ASH1L: variants seen among roughly 807,000 people sequenced by gnomAD.
ASH1L encodes the protein histone-lysine N-methyltransferase ASH1L.
ASH1L carries 23 observed loss-of-function variants against 269.0 expected under a neutral mutation model. That is an observed-to-expected ratio of 0.09 (90% CI 0.06 to 0.12). The LOEUF (loss-of-function observed/expected upper bound fraction) is 0.12. ASH1L is among the 10% of genes least tolerant of loss of function. ASH1L has a pLI of 1.00. For synonymous variants in ASH1L, 1,187 were observed against 1,253.5 expected, an observed-to-expected ratio of 0.95 and a Z score of 1.12; for missense variants, 2,912 against 3,567.8, an observed-to-expected ratio of 0.82 and a Z score of 4.68.
chr1:155,436,491 CTTTTTTTTTTT>C (rs60270333), intron 5 of ASH1L, among the ~76,000 whole-genome samples: 4 of 80,552 alleles, frequency 5.0e-5, no homozygotes, highest in Admixed American at 3.2e-4. Context: ...CATGCGTGGA[CTTTTTTTTTTT>C]TTTTTTTTTT....
intron 5 of ASH1L, among the ~76,000 whole-genome samples, chr1:155,424,216 C>T (rs748057275): frequency 6.6e-6 from 1 of 152,046 alleles, no homozygotes; most frequent in Admixed American, 6.6e-5. Context: ...GTAGTAAAAA[C>T]GATGAGAAAT....
In ASH1L at chr1:155,481,383, T is replaced by C. The variant is rs760750750; in HGVS notation, c.1487A>G (p.Asn496Ser). ...EIINLEKEMFNEGTCIQQDSF... is the reference protein window; with the variant it reads ...EIINLEKEMFSEGTCIQQDSF... ...GTCTTGCTGAATGCATGTTCCTTCA[T>C]TAAACATTTCTTTCTCCAAATTAAT... Residue 496 changes from asparagine to serine, a missense_variant, in exon 3 of 28, where the codon AAT (asparagine) becomes AGT (serine). By Grantham distance (46) the Asn-to-Ser change is conservative. Around this residue, in one of 13 missense-constraint regions of ASH1L, gnomAD observed 715 missense variants for 721.0 expected, o/e 0.99. Transcript: ENST00000392403. 6.2e-7 allele frequency: 1 copy of C among 1,614,152 alleles called. No individual in the cohort carries two copies. Among genetic ancestry groups the C allele is most frequent in the Non-Finnish European group, 8.5e-7 (1 of 1,180,000 alleles).
chr1:155,536,835 G>T (rs752274919), intron 1 of ASH1L, among the ~76,000 whole-genome samples: 1 of 152,102 alleles, frequency 6.6e-6, no homozygotes, highest in Non-Finnish European at 1.5e-5. Flanking sequence ...AAGGTCAGGA[G>T]ATCGAGACCA....
Position 155,335,500 on chromosome 1 carries a change from G to A in ASH1L, c.*2160C>T, listed in dbSNP as rs1652234234. ...GACTAACTCTGTATCTATTTGCAGT[G>A]ATGTAGTGCTTTGCCCCGCATTTCA... is the stretch of plus-strand genomic sequence containing the variant. On this transcript the variant is annotated 3_prime_UTR_variant, in exon 28 of 28. Coordinates refer to ENST00000392403, the MANE Select transcript of ASH1L (RefSeq NM_018489.3). 1 of 152,682 alleles carries A rather than the reference G, an allele frequency of 6.5e-6. No individual in the cohort carries two copies. The highest frequency in any genetic ancestry group is 2.1e-4 in the South Asian group (1 of 4,828). The allele number at this position is 152,682 out of a possible 1,614,324, so 9.5% of individuals were successfully genotyped here.
chr1:155,492,033 C>CT (rs747132753), intron 2 of ASH1L, among the ~76,000 whole-genome samples: 27,153 of 111,858 alleles, frequency 0.24, 3,946 homozygotes, highest in East Asian at 0.68. Flanking sequence ...GTTTTGTTTA[C>CT]TTTTTTTTTT....
At chr1:155,428,774 T>C (rs542484979) in intron 5 of ASH1L, among the ~76,000 whole-genome samples, 18 of 152,346 alleles carry the variant, frequency 1.2e-4, no homozygotes, top group Non-Finnish European at 2.4e-4. Context: ...GAGATACTTT[T>C]AGTTAATCCC....
chr1:155,389,988 G>GACTC (rs1308119543), intron 7 of ASH1L, among the ~76,000 whole-genome samples: 1 of 145,684 alleles, frequency 6.9e-6, no homozygotes, highest in African/African-American at 2.5e-5. Flanking sequence ...TCATTATGAT[G>GACTC]ACTCTTACTC....
intron 1 of ASH1L, among the ~76,000 whole-genome samples, chr1:155,550,583 T>G (rs919090155): frequency 1.3e-5 from 2 of 152,188 alleles, no homozygotes; most frequent in African/African-American, 4.8e-5. Context: ...ATGCCCCAGA[T>G]AGTTGCACTG....
chr1:155,537,230 T>C (rs1351175197), intron 1 of ASH1L, among the ~76,000 whole-genome samples: 1 of 152,164 alleles, frequency 6.6e-6, no homozygotes, highest in African/African-American at 2.4e-5. Context: ...AATATTACAA[T>C]GATTATATCT....
intron 6 of ASH1L, chr1:155,395,911 G>A (rs1658303941): frequency 6.0e-6 from 1 of 167,726 alleles, no homozygotes; most frequent in African/African-American, 2.4e-5. Flanking sequence ...ACAAATTTTA[G>A]ATCGGATTAT....
At position 155,478,931 on chromosome 1, in the gene ASH1L, T is replaced by G. The variant is rs138817613; in HGVS notation, c.3939A>C (p.Arg1313=). The change falls in exon 3 of 28, where the codon CGA becomes CGC. Residue 1313 remains arginine, a synonymous_variant. Coordinates refer to ENST00000392403, the MANE Select transcript of ASH1L (RefSeq NM_018489.3). The surrounding 1 kb of genome is among the most constrained non-coding windows in gnomAD (Gnocchi z 4.6). ...ITHRSHHFIP[R]DLLPTIFRIN... The stretch of plus-strand genomic sequence containing the variant: ...TTCGAAAGATAGTTGGCAGAAGATC[T>G]CGGGGGATAAAATGATGACTTCGAT... 7.2e-5 allele frequency: 117 copies of G among 1,614,018 alleles called. No individual in the cohort carries two copies. The African/African-American group carries it at 1.5e-3, about 21-fold the overall frequency.
At chr1:155,337,879 T>C (rs1652440867) in intron 27 of ASH1L, 128 bp from the exon 28 acceptor site, 2 of 1,064,110 alleles carry the variant, frequency 1.9e-6, no homozygotes, top group East Asian at 2.4e-5. Flanking sequence ...TAGCCCATCC[T>C]CCAACCCTAC....
At chr1:155,550,449 C>T (rs753446009) in intron 1 of ASH1L, among the ~76,000 whole-genome samples, 7 of 152,170 alleles carry the variant, frequency 4.6e-5, no homozygotes, top group Non-Finnish European at 1.0e-4. Context: ...GTCTTTAAGT[C>T]CCTATGTTAT....
At chr1:155,525,848 TCAAGTCA>T (rs1201724940) in intron 1 of ASH1L, among the ~76,000 whole-genome samples, 4 of 151,964 alleles carry the variant, frequency 2.6e-5, no homozygotes, top group Non-Finnish European at 5.9e-5. Context: ...CTGACGATGC[TCAAGTCA>T]CTTATATAAA....
In ASH1L at chr1:155,462,364, GTCATCT is replaced by G. The variant is rs1416941202; in HGVS notation, c.4985-2472_4985-2467del. 2.6e-5 allele frequency among the ~76,000 whole-genome samples: 4 copies of G among 152,166 alleles called. No individual in the cohort carries two copies. In the East Asian group the frequency reaches 7.7e-4, roughly 29 times the overall value. ...TTGGTAGTGTTTCCTGAATTTCTTG[GTCATCT>G]TCAAGAAAGTCTTGATGAAGGCTTC... On this transcript the variant is annotated intron_variant, in intron 3 of 27. Transcript: ENST00000392403.
chr1:155,441,717 C>T lies in ASH1L; in HGVS notation c.5087-2649G>A, dbSNP rs1194052304. ...TCCTGACCTCATGATCTGCCCGCCT[C>T]GGCCTCCCAAAGTGCTGGAATTACA... On this transcript the variant is annotated intron_variant, in intron 4 of 27. Transcript: ENST00000392403. Among the ~76,000 whole-genome samples, 4 of 150,692 alleles carry T rather than the reference C, an allele frequency of 2.7e-5. No individual in the cohort carries two copies. The East Asian group carries it at 7.8e-4, about 29-fold the overall frequency.
rs1251952801 is a variant in ASH1L at position 155,346,408 on chromosome 1, T to C, written c.7865A>G (p.Gln2622Arg). ...NSDVEHYLCEQCDPRPVDREV... is the reference protein window; with the variant it reads ...NSDVEHYLCERCDPRPVDREV... ...CCTGTCCACAGGCCTTGGGTCACAC[T>C]GCTCACAAAGGTAGTGCTCCACATC... Residue 2622 changes from glutamine to arginine, a missense_variant, in exon 21 of 28, where the codon CAG becomes CGG. Around this residue, in one of 13 missense-constraint regions of ASH1L, gnomAD observed 179 missense variants for 293.8 expected, o/e 0.61. Transcript: ENST00000392403. 1.2e-6 allele frequency: 2 copies of C among 1,613,982 alleles called. No individual in the cohort carries two copies. The highest frequency in any genetic ancestry group is 1.7e-6 in the Non-Finnish European group (2 of 1,180,000).
chr1:155,512,198 T>C (rs1056638333), intron 2 of ASH1L, among the ~76,000 whole-genome samples: 1 of 151,988 alleles, frequency 6.6e-6, no homozygotes. Context: ...ACAATCTCAA[T>C]AGGAGTTCCA....
At chr1:155,372,745 G>T (rs750069528) in intron 10 of ASH1L, among the ~76,000 whole-genome samples, 2 of 152,046 alleles carry the variant, frequency 1.3e-5, no homozygotes, top group Non-Finnish European at 2.9e-5. Flanking sequence ...CTGAGTAGGT[G>T]GGATTACAGG....
Sources: allele counts gnomAD v4.1 joint callset (sites outside exome capture counted in the v4.1 genomes callset), GRCh38; gene constraint gnomAD v4.1.1; regional missense constraint gnomAD v4.1.1; non-coding constraint Gnocchi (gnomAD v3.1); transcripts MANE v1.5; gene names NCBI Gene and HGNC (gene_info 2026-07-23, HGNC 2026-07-21).